Variants in DGAT1 observed in about 807,000 individuals in gnomAD.
DGAT1 encodes ACAT related gene product 1.
DGAT1 carries 60 observed loss-of-function variants against 72.6 expected under a neutral mutation model. That is an observed-to-expected ratio of 0.83 (90% CI 0.67 to 1.02). DGAT1 has a LOEUF of 1.02. Ranked by LOEUF, DGAT1 falls within the 50% of genes least tolerant of loss-of-function variation. The pLI is 0.00. For missense variants in DGAT1, 592 were observed against 670.0 expected, an observed-to-expected ratio of 0.88 and a Z score of 1.29; for synonymous variants, 290 against 267.5, an observed-to-expected ratio of 1.08 and a Z score of -0.82.
intron 2 of DGAT1, among the ~76,000 whole-genome samples, chr8:144,320,654 G>C (rs916420823): frequency 1.4e-4 from 21 of 152,004 alleles, no homozygotes; most frequent in Non-Finnish European, 2.8e-4. Context: ...ACTACTTCTG[G>C]GGTGGGGCTG....
At chr8:144,317,510 C>T (rs1817283470) in intron 12 of DGAT1, 34 bp downstream of exon 12, 14 of 1,613,708 alleles carry the variant, frequency 8.7e-6, no homozygotes, top group Non-Finnish European at 1.1e-5. Flanking sequence ...CTGTCCCCTC[C>T]TGTCCTGTGC....
chr8:144,323,492 T>G (rs994091493), intron 1 of DGAT1, among the ~76,000 whole-genome samples: 9 of 152,004 alleles, frequency 5.9e-5, no homozygotes, highest in Admixed American at 1.3e-4. Context: ...AAGCAGTCAG[T>G]GCGGCCAGCA....
rs782114960 is a variant in DGAT1, at chr8:144,318,686, G to A, written c.468+13C>T. On this transcript the variant is annotated intron_variant, in intron 5 of 16. Transcript: ENST00000528718. ...CAGGGTGAGCACACACGGAGGTGAG[G>A]GGCACTGCTTACCACCGCCAGGCGC... is the stretch of plus-strand genomic sequence containing the variant. 2.5e-6 allele frequency: 4 copies of A among 1,608,864 alleles called. No individual in the cohort carries two copies. The highest frequency in any genetic ancestry group is 2.2e-5 in the South Asian group (2 of 90,204).
Position 144,315,965 on chromosome 8 carries a change from C to CCGA in DGAT1, c.*586_*588dup, listed in dbSNP as rs1433223637. 1 of 986,270 alleles carries CCGA rather than the reference C, an allele frequency of 1.0e-6. No homozygotes were observed. Among genetic ancestry groups the CCGA allele is most frequent in the African/African-American group, 1.7e-5 (1 of 57,246 alleles). 61.1% of individuals were successfully genotyped at this position (986,270 alleles called of 1,614,324 possible). ...GAGCCCACTTCCCGCAAACCCAGGG[C>CCGA]CGACCTCTTCCCAAGCTGAAGCTGA... On this transcript the variant is annotated 3_prime_UTR_variant, in exon 17 of 17. Transcript: ENST00000528718.
intron 3 of DGAT1, 26 bp downstream of exon 3, chr8:144,319,002 G>A (rs1554847788): frequency 2.6e-6 from 4 of 1,559,332 alleles, no homozygotes; most frequent in Non-Finnish European, 3.5e-6. Flanking sequence ...GGTGGGGCAG[G>A]GGTGGGACCT....
In DGAT1 at chr8:144,314,970, C is replaced by T; in HGVS notation, c.*1584G>A. 1.0e-6 allele frequency: 1 copy of T among 985,866 alleles called. No individual in the cohort carries two copies. Among genetic ancestry groups the T allele is most frequent in the Non-Finnish European group, 1.2e-6 (1 of 830,298 alleles). 61.1% of individuals were successfully genotyped at this position (985,866 alleles called of 1,614,324 possible). A position where few individuals can be genotyped will look rare whatever the true frequency, so the allele number is the denominator to read the frequency against. On this transcript the variant is annotated 3_prime_UTR_variant, in exon 17 of 17. Transcript: ENST00000528718. ...GGTTGTCACAGGACCACCAGGAACC[C>T]CCTTCCCAAGGTGTTCGCACTCGGA...
chr8:144,316,530 A>T lies in DGAT1; in HGVS notation c.*24T>A. The T allele has an allele frequency of 6.4e-7, 1 of 1,564,598 alleles. No individual in the cohort carries two copies. The highest frequency in any genetic ancestry group is 8.7e-7 in the Non-Finnish European group (1 of 1,153,292). ...TGGCAGCGGGTGTGAGGTGGCAGTG[A>T]GAAGCCAGGCCCTCAGGTGCAGCTC... On this transcript the variant is annotated 3_prime_UTR_variant, in exon 17 of 17. Coordinates refer to ENST00000528718, the MANE Select transcript of DGAT1 (RefSeq NM_012079.6).
Position 144,326,654 on chromosome 8 carries a change from G to C in DGAT1, c.-18C>G. 8.5e-7 allele frequency: 1 copy of C among 1,183,328 alleles called. No homozygotes were observed. Among genetic ancestry groups the C allele is most frequent in the Non-Finnish European group, 1.0e-6 (1 of 956,122 alleles). 73.3% of individuals were successfully genotyped at this position (1,183,328 alleles called of 1,614,324 possible). ...TCGCCCATGGCCTCAGCCCGCACCCGGCCGCAGCCAAGCGTGGGCCCGCCG... is the reference window on the plus strand; with the variant it reads ...TCGCCCATGGCCTCAGCCCGCACCCCGCCGCAGCCAAGCGTGGGCCCGCCG... On this transcript the variant is annotated 5_prime_UTR_variant, in exon 1 of 17. Coordinates refer to ENST00000528718, the MANE Select transcript of DGAT1 (RefSeq NM_012079.6).
chr8:144,314,992 C>T lies in DGAT1; in HGVS notation c.*1562G>A, dbSNP rs1184223272. ...ACCCCCTTCCCAAGGTGTTCGCACT[C>T]GGACAGGTGATGCGGGGCGGGCACA... is the stretch of plus-strand genomic sequence containing the variant. On this transcript the variant is annotated 3_prime_UTR_variant, in exon 17 of 17. Transcript: ENST00000528718. The T allele has an allele frequency of 1.5e-5, 15 of 985,710 alleles. No homozygotes were observed. The highest frequency in any genetic ancestry group is 7.0e-5 in the African/African-American group (4 of 57,222). 61.1% of individuals were successfully genotyped at this position (985,710 alleles called of 1,614,324 possible).
At position 144,317,425 on chromosome 8, in the gene DGAT1, C is replaced by T; in HGVS notation, c.1002G>A (p.Trp334Ter). ...GGAAGAGCCAGTAGAAGAAGATGAG[C>T]CAGATGAGGTGATTGGGGACCTGGC... ...LKLAVPNHLI[W>*]LIFFYWLFHS... The change falls in exon 13 of 17, where the codon TGG becomes TGA. Residue 334 changes from tryptophan (W) to a stop codon, truncating the protein, a stop_gained. Transcript: ENST00000528718. LOFTEE classifies it high-confidence loss of function. 1 of 1,613,856 alleles carries T rather than the reference C, an allele frequency of 6.2e-7. No homozygotes were observed. The highest frequency in any genetic ancestry group is 8.5e-7 in the Non-Finnish European group (1 of 1,179,976).
Position 144,326,633 on chromosome 8 carries a change from C to A in DGAT1, c.4G>T (p.Gly2Cys). The stretch of plus-strand genomic sequence containing the variant: ...CGGCGCCGGGAGCTGCCGCGGTCGC[C>A]CATGGCCTCAGCCCGCACCCGGCCG... M[G>C]DRGSSRRRRT... The change falls in exon 1 of 17, where the codon GGC becomes TGC. Residue 2 changes from glycine (G) to cysteine (C), a missense_variant. Physicochemically the swap from Gly to Cys is radical, Grantham distance 159. Transcript: ENST00000528718. 8.3e-7 allele frequency: 1 copy of A among 1,207,868 alleles called. No homozygotes were observed. The highest frequency in any genetic ancestry group is 1.0e-6 in the Non-Finnish European group (1 of 971,624). 74.8% of individuals were successfully genotyped at this position (1,207,868 alleles called of 1,614,324 possible).
In DGAT1 at chr8:144,317,202, T is replaced by C; in HGVS notation, c.1145A>G (p.His382Arg). The C allele has an allele frequency of 6.2e-7, 1 of 1,609,788 alleles. No individual in the cohort carries two copies. Among genetic ancestry groups the C allele is most frequent in the Non-Finnish European group, 8.5e-7 (1 of 1,176,948 alleles). The change falls in exon 14 of 17, where the codon CAC (histidine) becomes CGC (arginine). Residue 382 changes from histidine (H) to arginine (R), a missense_variant. Coordinates refer to ENST00000528718, the MANE Select transcript of DGAT1 (RefSeq NM_012079.6). ...YFWQNWNIPV[H>R]KWCIRHFYKP... Reference sequence around the variant, plus strand: ...CCCCACCTACCTGATGCACCACTTGTGCACAGGGATGTTCCAGTTCTGCCA... The same window carrying C: ...CCCCACCTACCTGATGCACCACTTGCGCACAGGGATGTTCCAGTTCTGCCA...
intron 1 of DGAT1, among the ~76,000 whole-genome samples, chr8:144,325,734 C>T (rs552803071): frequency 1.3e-5 from 2 of 152,202 alleles, no homozygotes; most frequent in Non-Finnish European, 2.9e-5. Flanking sequence ...GGTGTGTCCA[C>T]CACCCCCATA....
At chr8:144,326,401 T>C (rs782796825) in intron 1 of DGAT1, 36 bp downstream of exon 1, 2 of 1,381,358 alleles carry the variant, frequency 1.4e-6, no homozygotes, top group Non-Finnish European at 1.9e-6. Context: ...CGCGGGGCCC[T>C]TGGGTCAGAG....
chr8:144,318,503 AAC>A lies in DGAT1; in HGVS notation c.530_531del (p.Cys177PhefsTer10), dbSNP rs782181643. The A allele has an allele frequency of 1.4e-5, 22 of 1,611,790 alleles. No homozygotes were observed. The highest frequency in any genetic ancestry group is 1.6e-5 in the Non-Finnish European group (19 of 1,179,948). Reference sequence around the variant, plus strand: ...ACCAGTAAGACCACAGCCGCTGGGAAACACAGAATGGTGGCCAGGTTGGCCAC... The same window carrying A: ...ACCAGTAAGACCACAGCCGCTGGGAAACAGAATGGTGGCCAGGTTGGCCAC... Reference protein sequence around the residue: ...LHVANLATILCFPAAVVLLVE... With the variant: ...LHVANLATILXFPAAVVLLVE... On this transcript the variant is annotated frameshift_variant, in exon 6 of 17. Transcript: ENST00000528718. LOFTEE classifies it high-confidence loss of function.
Position 144,317,052 on chromosome 8 carries a change from C to T in DGAT1, c.1218G>A (p.Gly406=), listed in dbSNP as rs782255407. Reference sequence around the variant, plus strand: ...GGAAGAAGGCCGAGGCCAGGAACACCCCTGTCCTGGCCATCCACTTGCTGC... The same window carrying T: ...GGAAGAAGGCCGAGGCCAGGAACACTCCTGTCCTGGCCATCCACTTGCTGC... The part of the protein sequence containing the change: ...RGSSKWMART[G]VFLASAFFHE... The change falls in exon 15 of 17, where the codon GGG becomes GGA. Residue 406 remains glycine, a synonymous_variant. Transcript: ENST00000528718. The T allele has an allele frequency of 6.2e-7, 1 of 1,612,744 alleles. No homozygotes were observed. The highest frequency in any genetic ancestry group is 1.1e-5 in the South Asian group (1 of 91,090).
Position 144,318,648 on chromosome 8 carries a change from G to GGAGCGCACACAGCAGGGT in DGAT1, c.468+33_468+50dup, listed in dbSNP as rs1817338876. The GGAGCGCACACAGCAGGGT allele has an allele frequency of 1.9e-6, 3 of 1,605,866 alleles. 1 individual carries two copies. In the East Asian group the frequency reaches 6.7e-5, roughly 36 times the overall value. Reference sequence around the variant, plus strand: ...CAGGCCTGGGGAGCAGCTCCTCCCAGGAGCGCACACAGCAGGGTGAGCACA... The same window carrying GGAGCGCACACAGCAGGGT: ...CAGGCCTGGGGAGCAGCTCCTCCCAGGAGCGCACACAGCAGGGTGAGCGCACACAGCAGGGTGAGCACA... On this transcript the variant is annotated intron_variant, in intron 5 of 16. Coordinates refer to ENST00000528718, the MANE Select transcript of DGAT1 (RefSeq NM_012079.6).
chr8:144,317,835 C>G lies in DGAT1; in HGVS notation c.856-13G>C. Reference sequence around the variant, plus strand: ...GGGTGAAGAACAGCTGGGGGGGAAACAGAGAGCAGCCAGCTGAGGCCCTGG... The same window carrying G: ...GGGTGAAGAACAGCTGGGGGGGAAAGAGAGAGCAGCCAGCTGAGGCCCTGG... On this transcript the variant is annotated splice_polypyrimidine_tract_variant and intron_variant, in intron 9 of 16. Transcript: ENST00000528718. 3 of 1,609,278 alleles carry G rather than the reference C, an allele frequency of 1.9e-6. No homozygotes were observed. Among genetic ancestry groups the G allele is most frequent in the African/African-American group, 1.3e-5 (1 of 75,024 alleles).
At position 144,317,387 on chromosome 8, in the gene DGAT1, T is replaced by C. The variant is rs1817277179; in HGVS notation, c.1040A>G (p.Asn347Ser). 6.2e-7 allele frequency: 1 copy of C among 1,613,806 alleles called. No homozygotes were observed. Among genetic ancestry groups the C allele is most frequent in the Non-Finnish European group, 8.5e-7 (1 of 1,179,956 alleles). ...FFYWLFHSCL[N>S]AVAELMQFGD... is the part of the protein sequence containing the mutation. ...AAACTGCATGAGCTCAGCCACGGCATTCAGGCAGGAGTGGAAGAGCCAGTA... is the reference window on the plus strand; with the variant it reads ...AAACTGCATGAGCTCAGCCACGGCACTCAGGCAGGAGTGGAAGAGCCAGTA... Residue 347 changes from asparagine (N) to serine (S), a missense_variant, in exon 13 of 17, where the codon AAT becomes AGT. Transcript: ENST00000528718.
Sources: allele counts gnomAD v4.1 joint callset (sites outside exome capture counted in the v4.1 genomes callset), GRCh38; gene constraint gnomAD v4.1.1; transcripts MANE v1.5; gene names NCBI Gene and HGNC (gene_info 2026-07-23, HGNC 2026-07-21).